Variants in GRHL2 observed in about 807,000 individuals in gnomAD.
The protein encoded by GRHL2 is grainyhead-like protein 2 homolog.
A neutral mutation model predicts 83.8 loss-of-function variants in GRHL2; 21 were observed. The observed-to-expected ratio is 0.25, with a 90% CI of 0.18 to 0.36. The LOEUF (loss-of-function observed/expected upper bound fraction) is 0.36, where lower values mean the gene tolerates loss of function less well. Among genes scored for constraint, GRHL2 ranks in the 10% least tolerant of loss-of-function variants. The probability of loss-of-function intolerance (pLI) is 1.00; values close to 1 mark genes in which losing one functional copy is unlikely to be tolerated. For missense variants in GRHL2, 623 were observed against 781.8 expected, an observed-to-expected ratio of 0.80 and a Z score of 2.42; for synonymous variants, 280 against 278.9, an observed-to-expected ratio of 1.00 and a Z score of -0.04.
intron 1 of GRHL2, 108 bp from the exon 2 acceptor site, chr8:101,543,133 T>C: frequency 1.1e-6 from 1 of 877,662 alleles, no homozygotes; most frequent in Non-Finnish European, 1.9e-6. Flanking sequence ...TCTCCCCCAT[T>C]CTGGGGAAAT....
chr8:101,559,324 A>G (rs540565693), intron 4 of GRHL2, among the ~76,000 whole-genome samples: 3 of 140,058 alleles, frequency 2.1e-5, no homozygotes, highest in Admixed American at 8.0e-5. Flanking sequence ...CCTGGCCAAC[A>G]TGGTGAACTC....
At position 101,594,069 on chromosome 8, in the gene GRHL2, C is replaced by CAAA. The variant is rs534396520; in HGVS notation, c.1004-4961_1004-4959dup. Among the ~76,000 whole-genome samples the CAAA allele has an allele frequency of 4.3e-4, 21 of 49,106 alleles. 1 individual carries two copies. The highest frequency in any genetic ancestry group is 1.5e-3 in the South Asian group (1 of 654). 32.2% of individuals were successfully genotyped at this position (49,106 alleles called of 152,430 possible). A position where few individuals can be genotyped will look rare whatever the true frequency, so the allele number is the denominator to read the frequency against. ...GGACAATAAGAGTGAGAGTCTGTAT[C>CAAA]AAAAAAAAAAAAAAAAAAAAAAAAA... On this transcript the variant is annotated intron_variant, in intron 7 of 15. Transcript: ENST00000646743.
chr8:101,604,530 G>A (rs746869205), intron 8 of GRHL2, among the ~76,000 whole-genome samples: 33 of 152,198 alleles, frequency 2.2e-4, no homozygotes, highest in Non-Finnish European at 4.0e-4. Context: ...CCACAGAGAA[G>A]AATTACTTGA....
chr8:101,497,233 T>G lies in GRHL2; in HGVS notation c.20+4444T>G, dbSNP rs144906978. Among the ~76,000 whole-genome samples, 583 of 152,282 alleles carry G rather than the reference T, an allele frequency of 3.8e-3. 5 individuals carry two copies. The highest frequency in any genetic ancestry group is 0.014 in the African/African-American group (566 of 41,554). On this transcript the variant is annotated intron_variant, in intron 1 of 15. Coordinates refer to ENST00000646743, the MANE Select transcript of GRHL2 (RefSeq NM_024915.4). ...AGAGAGACAAAGTACAGATAGTGTT[T>G]CCTCAGACACGCCCACCTCCCTAAA...
chr8:101,604,623 C>A (rs1308226479), intron 8 of GRHL2, among the ~76,000 whole-genome samples: 1 of 152,104 alleles, frequency 6.6e-6, no homozygotes, highest in Non-Finnish European at 1.5e-5. Flanking sequence ...AACACCGTAA[C>A]AATTTGTCCA....
intron 14 of GRHL2, 38 bp downstream of exon 14, chr8:101,649,537 C>CTG (rs1813579799): frequency 6.8e-7 from 1 of 1,468,860 alleles, no homozygotes; most frequent in African/African-American, 1.4e-5. Context: ...AGGAAACCTG[C>CTG]TGTGTTCTCT....
chr8:101,536,375 T>C (rs748619179), intron 1 of GRHL2, among the ~76,000 whole-genome samples: 1 of 152,216 alleles, frequency 6.6e-6, no homozygotes, highest in African/African-American at 2.4e-5. Flanking sequence ...TAATAATAAA[T>C]ACGGTGATTG....
chr8:101,536,802 C>A (rs2130101117), intron 1 of GRHL2, among the ~76,000 whole-genome samples: 1 of 152,262 alleles, frequency 6.6e-6, no homozygotes, highest in Non-Finnish European at 1.5e-5. Flanking sequence ...TTCAGGGGTA[C>A]ATGTGCAGGT....
chr8:101,556,445 A>G (rs919999932), intron 3 of GRHL2, among the ~76,000 whole-genome samples: 2 of 152,206 alleles, frequency 1.3e-5, no homozygotes, highest in Non-Finnish European at 2.9e-5. Context: ...CCAAAATTGC[A>G]CTGACCAGAG....
chr8:101,616,956 C>A (rs1812869211), intron 8 of GRHL2, among the ~76,000 whole-genome samples: 1 of 152,104 alleles, frequency 6.6e-6, no homozygotes, highest in African/African-American at 2.4e-5. Flanking sequence ...ATATTTAAGA[C>A]ACACATCATG....
intron 12 of GRHL2, 40 bp downstream of exon 12, chr8:101,636,968 G>T: frequency 6.3e-7 from 1 of 1,587,298 alleles, no homozygotes; most frequent in Non-Finnish European, 8.7e-7. Flanking sequence ...CTCCAAGTCA[G>T]CTCATGTCAG....
At chr8:101,666,353 C>A (rs146745415) in intron 15 of GRHL2, among the ~76,000 whole-genome samples, 2 of 152,210 alleles carry the variant, frequency 1.3e-5, no homozygotes, top group African/African-American at 4.8e-5. Flanking sequence ...ATAATGCAAG[C>A]GGTTTGGGTT....
intron 9 of GRHL2, among the ~76,000 whole-genome samples, chr8:101,622,619 A>G (rs1434168507): frequency 6.6e-6 from 1 of 152,210 alleles, no homozygotes; most frequent in Non-Finnish European, 1.5e-5. Flanking sequence ...TTCATATTAG[A>G]TGCTGGGAAG....
In GRHL2 at chr8:101,664,646, C is replaced by T. The variant is rs1266578145; in HGVS notation, c.1763+128C>T. On this transcript the variant is annotated intron_variant, in intron 15 of 15. Transcript: ENST00000646743. Reference sequence around the variant, plus strand: ...TTTTCATAAAAATTGTGTCCTTCTTCCAGAGAATTGCAGAGGAGATTGCAT... The same window carrying T: ...TTTTCATAAAAATTGTGTCCTTCTTTCAGAGAATTGCAGAGGAGATTGCAT... The T allele has an allele frequency of 8.4e-6, 6 of 713,786 alleles. No homozygotes were observed. In the Admixed American group the frequency reaches 1.2e-4, roughly 15 times the overall value. The allele number at this position is 713,786 out of a possible 1,614,324, so 44.2% of individuals were successfully genotyped here.
intron 8 of GRHL2, among the ~76,000 whole-genome samples, chr8:101,611,138 C>T (rs1563606985): frequency 1.3e-5 from 2 of 150,928 alleles, no homozygotes; most frequent in South Asian, 2.1e-4. Flanking sequence ...CCATTCATCC[C>T]GGGATTAGTT....
chr8:101,506,330 A>G lies in GRHL2; in HGVS notation c.20+13541A>G, dbSNP rs570606857. Among the ~76,000 whole-genome samples the G allele has an allele frequency of 7.9e-5, 12 of 152,376 alleles. No homozygotes were observed. The South Asian group carries it at 2.3e-3, about 29-fold the overall frequency. On this transcript the variant is annotated intron_variant, in intron 1 of 15. Transcript: ENST00000646743. Reference sequence around the variant, plus strand: ...AATTGGAAAATAGAAACAAGTATCTAGAAGAAAAATCACTCATAATTCCAG... The same window carrying G: ...AATTGGAAAATAGAAACAAGTATCTGGAAGAAAAATCACTCATAATTCCAG...
chr8:101,506,223 T>G (rs1286412432), intron 1 of GRHL2, among the ~76,000 whole-genome samples: 1 of 152,238 alleles, frequency 6.6e-6, no homozygotes. Context: ...AGTTTTGCAT[T>G]GTATGTGTTT....
intron 1 of GRHL2, among the ~76,000 whole-genome samples, chr8:101,537,586 A>G (rs183662435): frequency 6.6e-6 from 1 of 152,354 alleles, no homozygotes; most frequent in African/African-American, 2.4e-5. Context: ...TCTATAATGC[A>G]CCAAGCACTT....
rs1259275841 is a variant in GRHL2, at chr8:101,582,421, T to C, written c.1003+4902T>C. Among the ~76,000 whole-genome samples the C allele has an allele frequency of 2.0e-5, 3 of 152,272 alleles. No homozygotes were observed. The East Asian group carries it at 5.8e-4, about 29-fold the overall frequency. ...TCAGTACATGGGGCTGTGGAAAGGCTTGTATTTTTTAAGGGCATCTTAGAA... is the reference window on the plus strand; with the variant it reads ...TCAGTACATGGGGCTGTGGAAAGGCCTGTATTTTTTAAGGGCATCTTAGAA... On this transcript the variant is annotated intron_variant, in intron 7 of 15. Transcript: ENST00000646743.
Sources: allele counts gnomAD v4.1 joint callset (sites outside exome capture counted in the v4.1 genomes callset), GRCh38; gene constraint gnomAD v4.1.1; transcripts MANE v1.5; gene names NCBI Gene and HGNC (gene_info 2026-07-23, HGNC 2026-07-21).